SORCS3: variants seen among roughly 807,000 people sequenced by gnomAD.
SORCS3 encodes the protein sortilin related VPS10 domain containing receptor 3.
SORCS3 carries 57 observed loss-of-function variants against 146.3 expected under a neutral mutation model. That is an observed-to-expected ratio of 0.39 (90% CI 0.31 to 0.49). The LOEUF (loss-of-function observed/expected upper bound fraction) is 0.49, where lower values mean the gene tolerates loss of function less well. Among genes scored for constraint, SORCS3 ranks in the 20% least tolerant of loss-of-function variants. SORCS3 has a pLI of 0.92. For synonymous variants in SORCS3, 653 were observed against 618.5 expected, an observed-to-expected ratio of 1.06 and a Z score of -0.83; for missense variants, 1,341 against 1,575.5, an observed-to-expected ratio of 0.85 and a Z score of 2.52.
intron 3 of SORCS3, among the ~76,000 whole-genome samples, chr10:104,942,709 C>A (rs1308641168): frequency 1.3e-5 from 2 of 152,146 alleles, no homozygotes; most frequent in African/African-American, 4.8e-5. Context: ...TTAAGCAATG[C>A]AGAGCAAGTA....
intron 1 of SORCS3, among the ~76,000 whole-genome samples, chr10:104,756,990 C>T (rs1486692666): frequency 2.0e-5 from 3 of 148,728 alleles, no homozygotes; most frequent in Non-Finnish European, 3.0e-5. Flanking sequence ...TGTCCATGTA[C>T]AAGATCAACA....
intron 20 of SORCS3, among the ~76,000 whole-genome samples, chr10:105,240,508 CAT>C (rs1002259284): frequency 3.9e-5 from 6 of 152,178 alleles, no homozygotes; most frequent in Admixed American, 2.6e-4. Context: ...TGTTCTATCA[CAT>C]GTCTATCTGT....
intron 14 of SORCS3, among the ~76,000 whole-genome samples, chr10:105,192,908 C>T (rs1040018774): frequency 4.6e-5 from 7 of 152,146 alleles, no homozygotes; most frequent in Admixed American, 1.3e-4. Flanking sequence ...CAGGGCTGCT[C>T]TCCTATAAAG....
chr10:104,683,910 A>T lies in SORCS3; in HGVS notation c.627+41956A>T, dbSNP rs1454885701. ...AAGATAGTAAGACCAAGGCCCTCTCATTGAGTTATAACCATCTCAGAGGAG... is the reference window on the plus strand; with the variant it reads ...AAGATAGTAAGACCAAGGCCCTCTCTTTGAGTTATAACCATCTCAGAGGAG... On this transcript the variant is annotated intron_variant, in intron 1 of 26. Transcript: ENST00000369701. Among the ~76,000 whole-genome samples the T allele has an allele frequency of 2.6e-5, 4 of 152,300 alleles. No individual in the cohort carries two copies. The South Asian group carries it at 8.3e-4, about 32-fold the overall frequency.
chr10:105,188,754 G>A (rs2056495010), intron 14 of SORCS3, among the ~76,000 whole-genome samples: 1 of 152,180 alleles, frequency 6.6e-6, no homozygotes, highest in Admixed American at 6.5e-5. Context: ...TTTGTGAAAT[G>A]ACTTCATCAT....
intron 1 of SORCS3, among the ~76,000 whole-genome samples, chr10:104,746,712 C>G (rs1448586213): frequency 6.6e-6 from 1 of 152,184 alleles, no homozygotes; most frequent in Admixed American, 6.5e-5. Context: ...CTCTCTGTTT[C>G]TATGAGCTCA....
At chr10:104,846,394 T>C (rs1036826265) in intron 2 of SORCS3, among the ~76,000 whole-genome samples, 1 of 152,200 alleles carries the variant, frequency 6.6e-6, no homozygotes, top group Non-Finnish European at 1.5e-5. Flanking sequence ...AGAAACTAAA[T>C]TAAACATGCA....
At chr10:105,041,706 T>C (rs1023571181) in intron 4 of SORCS3, among the ~76,000 whole-genome samples, 5 of 152,104 alleles carry the variant, frequency 3.3e-5, no homozygotes, top group Non-Finnish European at 1.5e-5. Flanking sequence ...AGTTGTAACA[T>C]TATCGACTTA....
intron 6 of SORCS3, among the ~76,000 whole-genome samples, chr10:105,098,429 T>C (rs2055761239): frequency 6.6e-6 from 1 of 152,208 alleles, no homozygotes; most frequent in Non-Finnish European, 1.5e-5. Flanking sequence ...CAAGGTCACA[T>C]AGACGGCTAG....
intron 4 of SORCS3, among the ~76,000 whole-genome samples, chr10:105,039,117 TTGATA>T (rs1432710884): frequency 4.6e-5 from 7 of 152,208 alleles, no homozygotes; most frequent in Non-Finnish European, 1.0e-4. Flanking sequence ...TAGTAGTTGT[TTGATA>T]CACTTTTAGT....
chr10:105,003,593 T>A (rs2055074341), intron 4 of SORCS3, among the ~76,000 whole-genome samples: 1 of 152,332 alleles, frequency 6.6e-6, no homozygotes, highest in African/African-American at 2.4e-5. Flanking sequence ...TAGTGTCAGA[T>A]AAATATGCAG....
chr10:104,774,983 A>G (rs1273213824), intron 1 of SORCS3, among the ~76,000 whole-genome samples: 6 of 152,166 alleles, frequency 3.9e-5, no homozygotes, highest in Admixed American at 6.5e-5. Flanking sequence ...GACTCTAATT[A>G]TTTCTTGTTA....
At chr10:105,109,044 AT>A (rs1209831398) in intron 7 of SORCS3, among the ~76,000 whole-genome samples, 1 of 152,092 alleles carries the variant, frequency 6.6e-6, no homozygotes, top group African/African-American at 2.4e-5. Context: ...AATTTTGAGT[AT>A]TTGTATTTTT....
At chr10:105,011,281 C>G (rs867757849) in intron 4 of SORCS3, among the ~76,000 whole-genome samples, 2 of 152,152 alleles carry the variant, frequency 1.3e-5, no homozygotes, top group Non-Finnish European at 2.9e-5. Flanking sequence ...AAACCACCAT[C>G]ATGATATGGA....
chr10:104,735,456 G>GTTTTTTTTTGTTTTTTTTTTT (rs2016757784), intron 1 of SORCS3, among the ~76,000 whole-genome samples: 1 of 34,994 alleles, frequency 2.9e-5, no homozygotes, highest in Non-Finnish European at 4.8e-5. Flanking sequence ...CTCACCGTCT[G>GTTTTTTTTTGTTTTTTTTTTT]TTTTTTTTTT....
intron 4 of SORCS3, among the ~76,000 whole-genome samples, chr10:104,996,483 T>A (rs2055028097): frequency 6.6e-6 from 1 of 152,156 alleles, no homozygotes; most frequent in South Asian, 2.1e-4. Flanking sequence ...TTTAAAAAAA[T>A]TTCTGCTGTT....
intron 1 of SORCS3, among the ~76,000 whole-genome samples, chr10:104,811,697 G>A (rs1223317839): frequency 6.6e-6 from 1 of 152,214 alleles, no homozygotes; most frequent in African/African-American, 2.4e-5. Flanking sequence ...CATACGCAGG[G>A]AGTCAGGTCA....
Position 105,050,337 on chromosome 10 carries a change from A to G in SORCS3, c.1028+7209A>G, listed in dbSNP as rs566558101. 2.6e-5 allele frequency among the ~76,000 whole-genome samples: 4 copies of G among 152,198 alleles called. No individual in the cohort carries two copies. In the South Asian group the frequency reaches 6.2e-4, roughly 24 times the overall value. On this transcript the variant is annotated intron_variant, in intron 5 of 26. Coordinates refer to ENST00000369701, the MANE Select transcript of SORCS3 (RefSeq NM_014978.3). The stretch of plus-strand genomic sequence containing the variant: ...GAGCTTTTTTGGGGAGTAGGTTACC[A>G]AAAGACAATGTTTTCATCTTGGGTG...
chr10:105,214,538 C>A lies in SORCS3; in HGVS notation c.2472C>A (p.Leu824=). 1.2e-6 allele frequency: 2 copies of A among 1,613,166 alleles called. No homozygotes were observed. The highest frequency in any genetic ancestry group is 8.5e-7 in the Non-Finnish European group (1 of 1,179,684). The change falls in exon 18 of 27, where the codon CTC becomes CTA. Residue 824 remains leucine, a synonymous_variant. Transcript: ENST00000369701. ...GCCCTGGAAAAGCCCCTCGGGGCCT[C>A]CATGTGGTGACGACCGATGGGCGGC... ...QMCPGKAPRG[L]HVVTTDGRLV...
Sources: allele counts gnomAD v4.1 joint callset (sites outside exome capture counted in the v4.1 genomes callset), GRCh38; gene constraint gnomAD v4.1.1; transcripts MANE v1.5; gene names NCBI Gene and HGNC (gene_info 2026-07-23, HGNC 2026-07-21).